The following PHF20 variants were observed in gnomAD, a reference collection of about 807,000 sequenced individuals.
PHF20 encodes the protein PHD finger protein 20, also known as glioma-expressed antigen 2.
PHF20 carries 23 observed loss-of-function variants against 113.5 expected under a neutral mutation model. The ratio of observed to expected loss-of-function variants is 0.20; its 90% CI spans 0.15 to 0.29. The LOEUF is 0.29. PHF20 is among the 10% of genes least tolerant of loss of function. The pLI is 1.00. For missense variants in PHF20, 943 were observed against 1,219.6 expected (o/e 0.77, Z 3.38); for synonymous variants, 434 against 457.3 (o/e 0.95, Z 0.65).
At chr20:35,937,165 G>A (rs1471235754) in intron 15 of PHF20, among the ~76,000 whole-genome samples, 1 of 152,006 alleles carries the variant, frequency 6.6e-6, no homozygotes, top group Non-Finnish European at 1.5e-5. Flanking sequence ...AAAGAGTCAA[G>A]TTATTATCTA....
At chr20:35,881,004 C>A (rs756317970) in intron 9 of PHF20, among the ~76,000 whole-genome samples, 13 of 137,862 alleles carry the variant, frequency 9.4e-5, no homozygotes, top group Non-Finnish European at 7.7e-5. Context: ...AGTACTTTTT[C>A]TGAATTGTTT....
At chr20:35,858,880 C>T (rs73283080) in intron 5 of PHF20, among the ~76,000 whole-genome samples, 1,714 of 152,218 alleles carry the variant, frequency 0.011, 23 homozygotes, top group African/African-American at 0.038. Flanking sequence ...GCCACTGTTT[C>T]CTTTTAACAG....
chr20:35,932,830 C>T (rs548016322), intron 15 of PHF20, among the ~76,000 whole-genome samples: 8 of 152,260 alleles, frequency 5.3e-5, no homozygotes, highest in African/African-American at 1.9e-4. Context: ...GTTCTATACC[C>T]TTTACCAACA....
At chr20:35,837,654 T>G (rs2042466351) in intron 2 of PHF20, among the ~76,000 whole-genome samples, 1 of 152,220 alleles carries the variant, frequency 6.6e-6, no homozygotes, top group Admixed American at 6.5e-5. Context: ...ACCTAATAGT[T>G]TTAAAGCCTA....
chr20:35,836,699 C>A (rs1412697435), intron 2 of PHF20, among the ~76,000 whole-genome samples: 1 of 151,860 alleles, frequency 6.6e-6, no homozygotes, highest in Non-Finnish European at 1.5e-5. Context: ...AAAAAATTAG[C>A]CGGGCAAGGT....
chr20:35,846,496 G>A (rs1012544098), intron 3 of PHF20, among the ~76,000 whole-genome samples: 1 of 152,204 alleles, frequency 6.6e-6, no homozygotes. Flanking sequence ...CAAACTGTGT[G>A]CTGGGAAAAG....
intron 2 of PHF20, among the ~76,000 whole-genome samples, chr20:35,834,510 C>CA (rs1371300772): frequency 6.6e-6 from 1 of 152,090 alleles, no homozygotes; most frequent in Non-Finnish European, 1.5e-5. Context: ...CTCAGCCTCC[C>CA]AAAGTGCTGG....
chr20:35,774,748 C>T (rs765538834), intron 1 of PHF20: 1 of 152,206 alleles, frequency 6.6e-6, no homozygotes, highest in African/African-American at 2.4e-5. Context: ...TGCTAAGCAC[C>T]TGCTTCTTAA....
intron 6 of PHF20, among the ~76,000 whole-genome samples, chr20:35,863,695 T>C (rs763301798): frequency 6.6e-6 from 1 of 152,242 alleles, no homozygotes; most frequent in Non-Finnish European, 1.5e-5. Context: ...CTTTTGCTTA[T>C]GCTTTTTCAA....
At chr20:35,943,248 T>C (rs2056021335) in intron 17 of PHF20, among the ~76,000 whole-genome samples, 1 of 152,074 alleles carries the variant, frequency 6.6e-6, no homozygotes, top group African/African-American at 2.4e-5. Context: ...CTTGGGAGGC[T>C]GAAGCAGCAG....
At chr20:35,852,614 T>C (rs1222172922) in intron 4 of PHF20, among the ~76,000 whole-genome samples, 1 of 151,930 alleles carries the variant, frequency 6.6e-6, no homozygotes, top group Non-Finnish European at 1.5e-5. Flanking sequence ...TTTTTTTTTT[T>C]TTGAGACGGA....
At chr20:35,809,731 A>C (rs1425219288) in intron 2 of PHF20, among the ~76,000 whole-genome samples, 1 of 151,314 alleles carries the variant, frequency 6.6e-6, no homozygotes, top group African/African-American at 2.4e-5. Flanking sequence ...AAAAAAAAAA[A>C]AATTCTGGGC....
chr20:35,806,005 C>T (rs1181107103), intron 2 of PHF20, among the ~76,000 whole-genome samples: 1 of 151,920 alleles, frequency 6.6e-6, no homozygotes, highest in East Asian at 1.9e-4. Context: ...ACTGGGATTA[C>T]AGGCGCCCGC....
At chr20:35,843,214 G>C (rs951743406) in intron 3 of PHF20, among the ~76,000 whole-genome samples, 4 of 151,592 alleles carry the variant, frequency 2.6e-5, no homozygotes, top group African/African-American at 9.7e-5. Flanking sequence ...TAAGCTGTCT[G>C]GTCTTTTGTT....
At chr20:35,817,668 C>G (rs942252667) in intron 2 of PHF20, among the ~76,000 whole-genome samples, 1 of 152,186 alleles carries the variant, frequency 6.6e-6, no homozygotes, top group African/African-American at 2.4e-5. Context: ...GTTGGTAGCT[C>G]CTGGCTGTAG....
At chr20:35,776,487 A>G (rs187025961) in intron 1 of PHF20, among the ~76,000 whole-genome samples, 86 of 152,300 alleles carry the variant, frequency 5.6e-4, no homozygotes, top group Admixed American at 5.0e-3. Flanking sequence ...TGTCTAATCT[A>G]TTCTAAGTCT....
chr20:35,884,028 T>G (rs779086494), intron 9 of PHF20, among the ~76,000 whole-genome samples: 1 of 152,152 alleles, frequency 6.6e-6, no homozygotes, highest in Non-Finnish European at 1.5e-5. Context: ...GAAAATGTCT[T>G]GATCTGGAAA....
At position 35,854,036 on chromosome 20, in the gene PHF20, G is replaced by C. The variant is rs375160186; in HGVS notation, c.341-4266G>C. On this transcript the variant is annotated intron_variant, in intron 4 of 17. Coordinates refer to ENST00000374012, the MANE Select transcript of PHF20 (RefSeq NM_016436.5). ...CCCAAAGTGCTGGGATTACAGGCGT[G>C]AGCCACCATGCCCGGCCGATGAAGA... Among the ~76,000 whole-genome samples, 11 of 152,228 alleles carry C rather than the reference G, an allele frequency of 7.2e-5. No individual in the cohort carries two copies. In the South Asian group the frequency reaches 2.1e-3, roughly 29 times the overall value.
intron 1 of PHF20, among the ~76,000 whole-genome samples, chr20:35,794,499 G>C (rs1049512572): frequency 6.6e-6 from 1 of 152,072 alleles, no homozygotes; most frequent in Non-Finnish European, 1.5e-5. Context: ...TCTTTCACCT[G>C]AAGTGTCCCT....
Sources: allele counts gnomAD v4.1 joint callset (sites outside exome capture counted in the v4.1 genomes callset), GRCh38; gene constraint gnomAD v4.1.1; transcripts MANE v1.5; gene names NCBI Gene and HGNC (gene_info 2026-07-23, HGNC 2026-07-21).